The following ADGRD1 variants were observed in gnomAD, a reference collection of about 807,000 sequenced individuals.
The protein encoded by ADGRD1 is adhesion G protein-coupled receptor D1, also known as G-protein coupled receptor 133.
Under a neutral mutation model 113.4 loss-of-function variants are expected in ADGRD1, and 77 were observed. That is an observed-to-expected ratio of 0.68 (90% CI 0.57 to 0.82). The LOEUF is 0.82. Ranked by LOEUF, ADGRD1 falls within the 40% of genes least tolerant of loss-of-function variation. The probability of loss-of-function intolerance (pLI) is 0.00; values close to 1 mark genes in which losing one functional copy is unlikely to be tolerated. For missense variants in ADGRD1, 1,036 were observed against 1,139.1 expected, an observed-to-expected ratio of 0.91 and a Z score of 1.30; for synonymous variants, 474 against 475.0, an observed-to-expected ratio of 1.00 and a Z score of 0.03.
intron 4 of ADGRD1, chr12:130,980,996 G>C (rs1199789031): frequency 1.3e-5 from 2 of 152,220 alleles, no homozygotes; most frequent in Non-Finnish European, 2.9e-5. Context: ...CTGGGGTCAG[G>C]ACTTACCACG....
chr12:131,068,688 T>G (rs1362444224), intron 13 of ADGRD1, among the ~76,000 whole-genome samples: 1 of 152,210 alleles, frequency 6.6e-6, no homozygotes, highest in Non-Finnish European at 1.5e-5. Context: ...AAAATTCTTC[T>G]TGGGTAGAGG....
chr12:131,131,664 G>A (rs533622440), intron 20 of ADGRD1, 61 bp from the exon 21 acceptor site: 165 of 1,209,262 alleles, frequency 1.4e-4, no homozygotes, highest in South Asian at 6.6e-4. Flanking sequence ...CCAGGCGGAC[G>A]CAGCTCTCCT....
chr12:130,966,829 C>CA lies in ADGRD1; in HGVS notation c.187+284dup. ...TAGAGATGGGGTCTTGCTATGTTGC[C>CA]AGGCTGGTCTCAAGCTCCTGGCCTC... On this transcript the variant is annotated intron_variant, in intron 3 of 24. Transcript: ENST00000261654. This position sits in a 1 kb window ranked among gnomAD's most constrained non-coding sequence, Gnocchi z 4.6. 1 of 409,978 alleles carries CA rather than the reference C, an allele frequency of 2.4e-6. No homozygotes were observed. The highest frequency in any genetic ancestry group is 4.7e-6 in the Non-Finnish European group (1 of 214,506). The allele number at this position is 409,978 out of a possible 1,614,324, so 25.4% of individuals were successfully genotyped here. A position where few individuals can be genotyped will look rare whatever the true frequency, so the allele number is the denominator to read the frequency against.
chr12:131,053,981 C>T (rs972552126), intron 13 of ADGRD1, among the ~76,000 whole-genome samples: 3 of 152,196 alleles, frequency 2.0e-5, no homozygotes, highest in Non-Finnish European at 4.4e-5. Flanking sequence ...TATAGCCCGT[C>T]CCATTTACTG....
rs973241440 is a variant in ADGRD1, at chr12:131,140,538, C to A, written c.*1275C>A. On this transcript the variant is annotated 3_prime_UTR_variant, in exon 25 of 25. Transcript: ENST00000261654. ...ACTGTGCTGATAGCACTCGTGGTGT[C>A]TGTGAAATGTGGGTAAGACATTCAA... 1 of 151,958 alleles carries A rather than the reference C, an allele frequency of 6.6e-6. No homozygotes were observed. Among genetic ancestry groups the A allele is most frequent in the Non-Finnish European group, 1.5e-5 (1 of 68,018 alleles). 9.4% of individuals were successfully genotyped at this position (151,958 alleles called of 1,614,324 possible). A position where few individuals can be genotyped will look rare whatever the true frequency, so the allele number is the denominator to read the frequency against.
chr12:131,047,127 C>A (rs1882920977), intron 13 of ADGRD1, among the ~76,000 whole-genome samples: 1 of 152,248 alleles, frequency 6.6e-6, no homozygotes, highest in African/African-American at 2.4e-5. Context: ...TCAGTGGCCT[C>A]CCTGGTCAGT....
Position 131,003,070 on chromosome 12 carries a change from T to G in ADGRD1, c.1027-115T>G. On this transcript the variant is annotated intron_variant, in intron 9 of 24. Coordinates refer to ENST00000261654, the MANE Select transcript of ADGRD1 (RefSeq NM_198827.5). This position sits in a 1 kb window ranked among gnomAD's most constrained non-coding sequence, Gnocchi z 4.8. ...TGGGAAGGGGCAGTTGTGTGACTTC[T>G]TCCTCCCTCGTGGCCAACGTGGGGA... is the stretch of plus-strand genomic sequence containing the variant. The G allele has an allele frequency of 1.2e-6, 1 of 844,956 alleles. No homozygotes were observed. Among genetic ancestry groups the G allele is most frequent in the Admixed American group, 1.8e-5 (1 of 57,056 alleles). The allele number at this position is 844,956 out of a possible 1,614,324, so 52.3% of individuals were successfully genotyped here.
At chr12:131,080,991 T>C (rs1250665210) in intron 14 of ADGRD1, among the ~76,000 whole-genome samples, 4 of 152,254 alleles carry the variant, frequency 2.6e-5, no homozygotes, top group African/African-American at 4.8e-5. Context: ...AGGATTGTTA[T>C]GTCTTCTTGG....
chr12:131,046,383 C>G (rs1173780784), intron 13 of ADGRD1, among the ~76,000 whole-genome samples: 1 of 118,980 alleles, frequency 8.4e-6, no homozygotes, highest in Non-Finnish European at 1.7e-5. Context: ...CCTCCCTGGT[C>G]AGTGTCCTCC....
chr12:130,982,832 C>G (rs976491669), intron 5 of ADGRD1, among the ~76,000 whole-genome samples: 2 of 152,030 alleles, frequency 1.3e-5, no homozygotes, highest in African/African-American at 4.8e-5. Context: ...AGAAGGGGAA[C>G]AGGTGGCTGG....
intron 20 of ADGRD1, among the ~76,000 whole-genome samples, chr12:131,122,172 C>G (rs906235852): frequency 2.0e-5 from 3 of 152,048 alleles, no homozygotes; most frequent in Non-Finnish European, 4.4e-5. Context: ...GAGCAGCTCC[C>G]TGGACTGAGG....
intron 12 of ADGRD1, among the ~76,000 whole-genome samples, chr12:131,010,295 G>A (rs990864902): frequency 1.3e-5 from 2 of 152,210 alleles, no homozygotes; most frequent in East Asian, 3.8e-4. Context: ...TGTGACGGAT[G>A]GGTGAGGGGA....
At chr12:131,009,737 T>C (rs1486504781) in intron 12 of ADGRD1, among the ~76,000 whole-genome samples, 1 of 152,162 alleles carries the variant, frequency 6.6e-6, no homozygotes, top group Non-Finnish European at 1.5e-5. Context: ...GTTTTGTGTG[T>C]GCTGTGGGCA....
At chr12:130,961,679 T>A (rs61047077) in intron 2 of ADGRD1, among the ~76,000 whole-genome samples, 5,633 of 152,274 alleles carry the variant, frequency 0.037, 357 homozygotes, top group African/African-American at 0.13. Flanking sequence ...GAGACTTTCT[T>A]GCTCTGATGA....
intron 13 of ADGRD1, among the ~76,000 whole-genome samples, chr12:131,052,199 T>A (rs1171728795): frequency 6.6e-6 from 1 of 152,148 alleles, no homozygotes; most frequent in Non-Finnish European, 1.5e-5. Flanking sequence ...TTGGAAAAGC[T>A]CTGCCTGGGA....
chr12:131,131,885 G>A (rs1950939440), intron 21 of ADGRD1, 69 bp downstream of exon 21: 3 of 1,019,512 alleles, frequency 2.9e-6, no homozygotes, highest in Admixed American at 3.5e-5. Flanking sequence ...TGAGGTCACA[G>A]GAGAGATAGC....
intron 13 of ADGRD1, among the ~76,000 whole-genome samples, chr12:131,065,095 C>T (rs4759834): frequency 0.3 from 45,757 of 152,068 alleles, 8,391 homozygotes; most frequent in East Asian, 0.67. Flanking sequence ...TCGAATAAAT[C>T]TTTCCTTGGT....
chr12:131,047,775 A>C lies in ADGRD1; in HGVS notation c.1474-29026A>C, dbSNP rs1334493296. 4.6e-5 allele frequency among the ~76,000 whole-genome samples: 7 copies of C among 152,256 alleles called. No homozygotes were observed. The East Asian group carries it at 1.4e-3, about 29-fold the overall frequency. ...TTGGAAGACGTGGGTCAGTGGGAGG[A>C]GGCTTGGCTCAGCGTAAAGACATCA... On this transcript the variant is annotated intron_variant, in intron 13 of 24. Transcript: ENST00000261654.
intron 11 of ADGRD1, 76 bp from the exon 12 acceptor site, chr12:131,005,896 G>A (rs1366831992): frequency 5.4e-6 from 6 of 1,105,056 alleles, no homozygotes; most frequent in African/African-American, 1.5e-5. Context: ...CATGCATGGC[G>A]GGGCGTGGGG....
Sources: gnomAD v4.1 joint callset for allele counts (sites outside exome capture counted in the v4.1 genomes callset) on GRCh38, gnomAD v4.1.1 for gene constraint, Gnocchi (gnomAD v3.1) non-coding constraint, MANE v1.5 for transcripts, NCBI Gene and HGNC (gene_info 2026-07-23, HGNC 2026-07-21) for gene names.